The following PRKAG2 variants were observed in gnomAD, a reference collection of about 807,000 sequenced individuals.
PRKAG2 encodes the protein 5'-AMP-activated protein kinase subunit gamma-2.
Under a neutral mutation model 69.6 loss-of-function variants are expected in PRKAG2, and 26 were observed. That is an observed-to-expected ratio of 0.37 (90% CI 0.27 to 0.52). The LOEUF is 0.52. Ranked by LOEUF, PRKAG2 falls within the 20% of genes least tolerant of loss-of-function variation. The probability of loss-of-function intolerance (pLI) is 0.90; values close to 1 mark genes in which losing one functional copy is unlikely to be tolerated. For synonymous variants in PRKAG2, 293 were observed against 285.0 expected, an observed-to-expected ratio of 1.03 and a Z score of -0.28; for missense variants, 557 against 740.0, an observed-to-expected ratio of 0.75 and a Z score of 2.87.
At chr7:151,560,475 C>A (rs746842154) in intron 15 of PRKAG2, 49 bp downstream of exon 15, 4 of 1,613,694 alleles carry the variant, frequency 2.5e-6, no homozygotes, top group Non-Finnish European at 3.4e-6. Context: ...TGTTCTACCT[C>A]CCACCCTTCC....
At chr7:151,839,333 C>T (rs908780439) in intron 1 of PRKAG2, among the ~76,000 whole-genome samples, 3 of 152,188 alleles carry the variant, frequency 2.0e-5, no homozygotes, top group East Asian at 1.9e-4. Context: ...CCGGGCACCG[C>T]GGTCGGAACT....
rs369521734 is a variant in PRKAG2, at chr7:151,814,130, A to C, written c.115-27589T>G. On this transcript the variant is annotated intron_variant, in intron 1 of 15. Coordinates refer to ENST00000287878, the MANE Select transcript of PRKAG2 (RefSeq NM_016203.4). This position sits in a 1 kb window ranked among gnomAD's most constrained non-coding sequence, Gnocchi z 4.8. ...GGAGGAGAGACAGACTCAGAGAGGA[A>C]TGGAGCTGAACACGCCCACACACAT... Among the ~76,000 whole-genome samples the C allele has an allele frequency of 6.6e-6, 1 of 152,296 alleles. No individual in the cohort carries two copies. The highest frequency in any genetic ancestry group is 1.5e-5 in the Non-Finnish European group (1 of 68,016).
In PRKAG2 at chr7:151,809,390, G is replaced by A. The variant is rs757173210; in HGVS notation, c.115-22849C>T. On this transcript the variant is annotated intron_variant, in intron 1 of 15. Transcript: ENST00000287878. ...GCCTCATTCCAGAGTTGTGGTGGCC[G>A]CTCCACCTGGCGAGCTTCGAGGGGA... 2.5e-4 allele frequency: 93 copies of A among 374,596 alleles called. 1 individual carries two copies. Among genetic ancestry groups the A allele is most frequent in the Non-Finnish European group, 4.5e-4 (83 of 185,914 alleles). The allele number at this position is 374,596 out of a possible 1,614,324, so 23.2% of individuals were successfully genotyped here.
intron 4 of PRKAG2, among the ~76,000 whole-genome samples, chr7:151,649,221 G>A (rs370179047): frequency 6.6e-5 from 10 of 152,102 alleles, no homozygotes; most frequent in African/African-American, 2.4e-4. Context: ...CACCTCCCAG[G>A]TTCAAACGAT....
At chr7:151,839,030 A>C (rs2079214881) in intron 1 of PRKAG2, among the ~76,000 whole-genome samples, 1 of 144,120 alleles carries the variant, frequency 6.9e-6, no homozygotes, top group African/African-American at 2.5e-5. Flanking sequence ...AAAAAAAAAA[A>C]ATAGAAAAGG....
chr7:151,565,278 A>G, intron 13 of PRKAG2, 68 bp downstream of exon 13: 1 of 1,212,656 alleles, frequency 8.2e-7, no homozygotes, highest in Non-Finnish European at 1.1e-6. Context: ...ATAAAAACAT[A>G]AAAACACATT....
intron 1 of PRKAG2, among the ~76,000 whole-genome samples, chr7:151,874,372 TATGATGTATATGTATATG>T (rs2080323937): frequency 6.1e-5 from 4 of 65,830 alleles, no homozygotes; most frequent in South Asian, 4.2e-4. Flanking sequence ...TGTATATGTA[TATGATGTATATGTATATG>T]ATGTATATGT....
At chr7:151,809,569 C>T (rs2078309013) in intron 1 of PRKAG2, 1 of 222,952 alleles carries the variant, frequency 4.5e-6, no homozygotes, top group Admixed American at 5.5e-5. Flanking sequence ...GGTTCCCTGC[C>T]AGCTCACTTG....
rs189384758 is a variant in PRKAG2, at chr7:151,842,865, C to A, written c.114+33642G>T. Among the ~76,000 whole-genome samples, 14 of 152,024 alleles carry A rather than the reference C, an allele frequency of 9.2e-5. No homozygotes were observed. In the East Asian group the frequency reaches 2.7e-3, roughly 29 times the overall value. On this transcript the variant is annotated intron_variant, in intron 1 of 15. Transcript: ENST00000287878. ...ATTGTGAAGGCTTCAGAACTCTGAT[C>A]TTCTCAATTCAGGTGGAAACGTGTC...
intron 5 of PRKAG2, among the ~76,000 whole-genome samples, chr7:151,606,792 T>C (rs967416899): frequency 1.4e-4 from 21 of 152,096 alleles, no homozygotes; most frequent in African/African-American, 4.6e-4. Flanking sequence ...TGCACTCCAG[T>C]CTGTGCAACA....
chr7:151,806,375 G>A (rs1378697384), intron 1 of PRKAG2: 2 of 152,416 alleles, frequency 1.3e-5, no homozygotes, highest in Non-Finnish European at 2.9e-5. Context: ...TAGGGTGAGA[G>A]ATAACAGAAA....
At position 151,699,657 on chromosome 7, in the gene PRKAG2, G is replaced by C. The variant is rs920911171; in HGVS notation, c.467-24020C>G. Among the ~76,000 whole-genome samples, 1 of 152,206 alleles carries C rather than the reference G, an allele frequency of 6.6e-6. No individual in the cohort carries two copies. The highest frequency in any genetic ancestry group is 2.1e-4 in the South Asian group (1 of 4,830). On this transcript the variant is annotated intron_variant, in intron 3 of 15. Transcript: ENST00000287878. This position sits in a 1 kb window ranked among gnomAD's most constrained non-coding sequence, Gnocchi z 4.5. ...GTGGGATATGCAGTGCCTGGGCTTG[G>C]GGTAACAGAACCCAGCCTACGGGCC...
intron 3 of PRKAG2, among the ~76,000 whole-genome samples, chr7:151,778,676 G>A (rs545537423): frequency 2.4e-4 from 36 of 152,216 alleles, no homozygotes; most frequent in South Asian, 1.0e-3. Flanking sequence ...ACCAACACCC[G>A]CAACTTCTGT....
At chr7:151,591,713 T>C (rs961941937) in intron 6 of PRKAG2, among the ~76,000 whole-genome samples, 1 of 151,676 alleles carries the variant, frequency 6.6e-6, no homozygotes, top group East Asian at 1.9e-4. Context: ...ATGTGGCAAG[T>C]CCAGGCTGCT....
At chr7:151,800,124 G>A (rs112023402) in intron 1 of PRKAG2, among the ~76,000 whole-genome samples, 29,098 of 151,748 alleles carry the variant, frequency 0.19, 2,852 homozygotes, top group South Asian at 0.24. Context: ...TTGGGAGGCC[G>A]AGGTGGGCGG....
At chr7:151,731,351 T>C (rs1352194098) in intron 3 of PRKAG2, among the ~76,000 whole-genome samples, 2 of 152,240 alleles carry the variant, frequency 1.3e-5, no homozygotes, top group African/African-American at 4.8e-5. Flanking sequence ...GGGTAAGGGC[T>C]GAGCACTCCT....
At chr7:151,685,957 C>T (rs1359557583) in intron 3 of PRKAG2, among the ~76,000 whole-genome samples, 2 of 152,082 alleles carry the variant, frequency 1.3e-5, no homozygotes, top group East Asian at 3.9e-4. Flanking sequence ...ATCGAAGATG[C>T]TAGGTTTATG....
At chr7:151,722,649 C>T (rs1203089181) in intron 3 of PRKAG2, among the ~76,000 whole-genome samples, 3 of 152,096 alleles carry the variant, frequency 2.0e-5, no homozygotes, top group African/African-American at 4.8e-5. Context: ...TGGGGACACA[C>T]GGACATGCAG....
chr7:151,808,924 C>A (rs574231882), intron 1 of PRKAG2, among the ~76,000 whole-genome samples: 1 of 152,192 alleles, frequency 6.6e-6, no homozygotes, highest in Admixed American at 6.5e-5. Context: ...AAGCTCCTCA[C>A]GCCCAAGCCC....
Sources: allele counts gnomAD v4.1 joint callset (sites outside exome capture counted in the v4.1 genomes callset), GRCh38; gene constraint gnomAD v4.1.1; non-coding constraint Gnocchi (gnomAD v3.1); transcripts MANE v1.5; gene names NCBI Gene and HGNC (gene_info 2026-07-23, HGNC 2026-07-21).